The following ATG4B variants were observed in gnomAD, a reference collection of about 807,000 sequenced individuals.
ATG4B encodes cysteine protease ATG4B.
Under a neutral mutation model 56.6 loss-of-function variants are expected in ATG4B, and 29 were observed. That is an observed-to-expected ratio of 0.51 (90% CI 0.38 to 0.70). The LOEUF (loss-of-function observed/expected upper bound fraction) is 0.70. ATG4B is among the 30% of genes least tolerant of loss of function. The probability of loss-of-function intolerance (pLI) is 0.00; values close to 1 mark genes in which losing one functional copy is unlikely to be tolerated. For synonymous variants in ATG4B, 224 were observed against 206.1 expected (o/e 1.09, Z -0.74); for missense variants, 461 against 515.5 (o/e 0.89, Z 1.02).
At chr2:241,664,374 A>T (rs1305366656) in intron 7 of ATG4B, among the ~76,000 whole-genome samples, 4 of 151,940 alleles carry the variant, frequency 2.6e-5, no homozygotes, top group Non-Finnish European at 5.9e-5. Flanking sequence ...TCTACAAAAA[A>T]ACAAAACAAA....
At chr2:241,665,957 T>G (rs1311899028) in intron 7 of ATG4B, among the ~76,000 whole-genome samples, 1 of 152,242 alleles carries the variant, frequency 6.6e-6, no homozygotes, top group Non-Finnish European at 1.5e-5. Flanking sequence ...CGGTTCCACC[T>G]TTGGCCGGTG....
At chr2:241,646,441 C>T (rs2068061952) in intron 1 of ATG4B, among the ~76,000 whole-genome samples, 1 of 152,204 alleles carries the variant, frequency 6.6e-6, no homozygotes, top group South Asian at 2.1e-4. Flanking sequence ...TGACATACGC[C>T]ACATTCTTCT....
chr2:241,670,384 A>C (rs564040383), intron 10 of ATG4B, among the ~76,000 whole-genome samples: 45 of 152,002 alleles, frequency 3.0e-4, no homozygotes, highest in African/African-American at 1.1e-3. Flanking sequence ...CCTCACAGTC[A>C]CAGAGAGAAG....
At chr2:241,644,314 G>C (rs6717829) in intron 1 of ATG4B, among the ~76,000 whole-genome samples, 22,171 of 152,236 alleles carry the variant, frequency 0.15, 1,796 homozygotes, top group Middle Eastern at 0.28. Flanking sequence ...CTGCACTCCA[G>C]CTTGGGTGAC....
intron 1 of ATG4B, among the ~76,000 whole-genome samples, chr2:241,643,309 A>G (rs1445363947): frequency 2.0e-5 from 3 of 149,546 alleles, no homozygotes; most frequent in Non-Finnish European, 4.4e-5. Context: ...GGCTCAAGTG[A>G]TCTTCTTGCC....
intron 1 of ATG4B, among the ~76,000 whole-genome samples, chr2:241,645,004 C>T (rs113481504): frequency 2.6e-5 from 4 of 152,030 alleles, no homozygotes; most frequent in Non-Finnish European, 5.9e-5. Flanking sequence ...TATCTTCCTC[C>T]ATTATAAAGT....
chr2:241,668,639 C>A lies in ATG4B; in HGVS notation c.911C>A (p.Pro304Gln), dbSNP rs757778578. ...GACGAGAGCTTCCACTGCCAGCACC[C>A]GCCGTGCCGCATGAGCATCGCGGAG... ...IPDESFHCQH[P>Q]PCRMSIAELD... Residue 304 changes from proline (P) to glutamine (Q), a missense_variant, in exon 10 of 13, where the codon CCG becomes CAG. Coordinates refer to ENST00000404914, the MANE Select transcript of ATG4B (RefSeq NM_013325.5). The surrounding 1 kb of genome is among the most constrained non-coding windows in gnomAD (Gnocchi z 4.2). The A allele has an allele frequency of 1.3e-6, 2 of 1,583,934 alleles. No individual in the cohort carries two copies. Among genetic ancestry groups the A allele is most frequent in the Admixed American group, 1.8e-5 (1 of 56,068 alleles).
intron 8 of ATG4B, chr2:241,667,768 C>T: frequency 5.0e-6 from 1 of 200,380 alleles, no homozygotes; most frequent in Non-Finnish European, 1.0e-5. Context: ...TCTGCCCATC[C>T]TGTGGGGTCT....
intron 1 of ATG4B, among the ~76,000 whole-genome samples, chr2:241,649,383 A>G (rs1238991344): frequency 6.6e-6 from 1 of 152,236 alleles, no homozygotes; most frequent in Non-Finnish European, 1.5e-5. Flanking sequence ...ATTTTTTATG[A>G]TTAGCATATG....
chr2:241,653,204 T>G (rs2068274202), intron 3 of ATG4B: 1 of 805,018 alleles, frequency 1.2e-6, no homozygotes, highest in Admixed American at 2.1e-5. Flanking sequence ...TTGTTTAACT[T>G]TGCATTTTCT....
chr2:241,658,868 C>T (rs898799688), intron 6 of ATG4B, among the ~76,000 whole-genome samples: 1 of 152,204 alleles, frequency 6.6e-6, no homozygotes, highest in East Asian at 1.9e-4. Flanking sequence ...TGCGTGTGCT[C>T]TCTATGAATG....
At chr2:241,659,422 T>G in intron 7 of ATG4B, 1 of 599,692 alleles carries the variant, frequency 1.7e-6, no homozygotes, top group Non-Finnish European at 3.2e-6. Context: ...ACTTGGTATC[T>G]CACGTCGTGT....
rs1356234343 is a variant in ATG4B, at chr2:241,668,278, A to C, written c.811+57A>C. The C allele has an allele frequency of 8.5e-6, 13 of 1,538,338 alleles. No individual in the cohort carries two copies. The highest frequency in any genetic ancestry group is 1.1e-5 in the Non-Finnish European group (13 of 1,134,620). Reference sequence around the variant, plus strand: ...GGCCTGGGCCTTTTAAGGGCATTCCATGAGCAGGTACCACACCCCAGGTGA... The same window carrying C: ...GGCCTGGGCCTTTTAAGGGCATTCCCTGAGCAGGTACCACACCCCAGGTGA... On this transcript the variant is annotated intron_variant, in intron 9 of 12. Coordinates refer to ENST00000404914, the MANE Select transcript of ATG4B (RefSeq NM_013325.5). The surrounding 1 kb of genome is among the most constrained non-coding windows in gnomAD (Gnocchi z 4.2).
At chr2:241,646,358 C>A (rs1479419128) in intron 1 of ATG4B, among the ~76,000 whole-genome samples, 2 of 152,114 alleles carry the variant, frequency 1.3e-5, no homozygotes, top group Non-Finnish European at 2.9e-5. Context: ...ACTAGACATC[C>A]TAGAAGTTTC....
chr2:241,655,737 G>A (rs1250056500), intron 6 of ATG4B, among the ~76,000 whole-genome samples: 3 of 152,124 alleles, frequency 2.0e-5, no homozygotes, highest in African/African-American at 7.2e-5. Flanking sequence ...CACTCTACCC[G>A]GAGACTCCCT....
rs778448659 is a variant in ATG4B, at chr2:241,651,532, T to C, written c.184+197T>C. Among the ~76,000 whole-genome samples the C allele has an allele frequency of 1.3e-5, 2 of 152,212 alleles. No individual in the cohort carries two copies. Among genetic ancestry groups the C allele is most frequent in the Non-Finnish European group, 2.9e-5 (2 of 68,038 alleles). ...TCCACGGCGCCTGACTCTAGGCTAG[T>C]GTGTTTTCAACTGCAAATCCCAGCT... On this transcript the variant is annotated intron_variant, in intron 3 of 12. Transcript: ENST00000404914. This position sits in a 1 kb window ranked among gnomAD's most constrained non-coding sequence, Gnocchi z 4.1.
chr2:241,653,487 C>T (rs1157385797), intron 3 of ATG4B, 25 bp from the exon 4 acceptor site: 3 of 1,560,512 alleles, frequency 1.9e-6, no homozygotes, highest in East Asian at 2.4e-5. Context: ...GCCATGAGCA[C>T]TTCTCTCTCT....
Position 241,672,992 on chromosome 2 carries a change from C to A in ATG4B, c.*728C>A. 1 of 167,478 alleles carries A rather than the reference C, an allele frequency of 6.0e-6. No homozygotes were observed. The highest frequency in any genetic ancestry group is 1.3e-5 in the Non-Finnish European group (1 of 76,354). 10.4% of individuals were successfully genotyped at this position (167,478 alleles called of 1,614,324 possible). A position where few individuals can be genotyped will look rare whatever the true frequency, so the allele number is the denominator to read the frequency against. On this transcript the variant is annotated 3_prime_UTR_variant, in exon 13 of 13. Coordinates refer to ENST00000404914, the MANE Select transcript of ATG4B (RefSeq NM_013325.5). ...TGCTGGAGCCTGCCCTCAGAGTGTC[C>A]CTTTCCAGTGCTGTGGCATTCTGTG...
At chr2:241,649,726 G>A (rs1014077954) in intron 1 of ATG4B, among the ~76,000 whole-genome samples, 6 of 152,102 alleles carry the variant, frequency 3.9e-5, no homozygotes, top group African/African-American at 1.4e-4. Context: ...CTGTGGACAG[G>A]AAGACCCTGG....
Sources: gnomAD v4.1 joint callset for allele counts (sites outside exome capture counted in the v4.1 genomes callset) on GRCh38, gnomAD v4.1.1 for gene constraint, Gnocchi (gnomAD v3.1) non-coding constraint, MANE v1.5 for transcripts, NCBI Gene and HGNC (gene_info 2026-07-23, HGNC 2026-07-21) for gene names.